HYDIN: variants seen among roughly 807,000 people sequenced by gnomAD.
HYDIN encodes the protein HYDIN axonemal central pair apparatus protein, also known as axonemal central pair apparatus protein HYDIN.
A neutral mutation model predicts 403.9 loss-of-function variants in HYDIN; 132 were observed. The observed-to-expected ratio is 0.33, with a 90% CI of 0.28 to 0.38. The LOEUF is 0.38. Among genes scored for constraint, HYDIN ranks in the 10% least tolerant of loss-of-function variants. HYDIN has a pLI of 1.00. For synonymous variants in HYDIN, 1,202 were observed against 1,891.7 expected (o/e 0.64, Z 9.46); for missense variants, 2,827 against 5,009.5 (o/e 0.56, Z 13.15).
At chr16:70,921,610 C>A (rs28450522) in intron 45 of HYDIN, among the ~76,000 whole-genome samples, 2 of 152,212 alleles carry the variant, frequency 1.3e-5, no homozygotes, top group Non-Finnish European at 2.9e-5. Flanking sequence ...CCCAGCTGCA[C>A]TGCTTGGTAG....
chr16:71,179,193 G>A (rs2086803532), intron 3 of HYDIN, 146 bp from the exon 4 acceptor site: 1 of 539,462 alleles, frequency 1.9e-6, no homozygotes, highest in Admixed American at 3.6e-5. Flanking sequence ...GTACATCATT[G>A]TAAAAGCACT....
chr16:71,188,473 T>C (rs937929759), intron 1 of HYDIN, among the ~76,000 whole-genome samples: 2 of 152,188 alleles, frequency 1.3e-5, no homozygotes, highest in Non-Finnish European at 2.9e-5. Flanking sequence ...AAAGCAAAGA[T>C]TGTGGTCTTG....
intron 30 of HYDIN, among the ~76,000 whole-genome samples, chr16:70,976,424 C>G (rs1306823724): frequency 6.6e-6 from 1 of 150,954 alleles, no homozygotes; most frequent in African/African-American, 2.4e-5. Flanking sequence ...TCAAGAAGCA[C>G]GAGGAATCTT....
chr16:70,981,851 G>A (rs560344413), intron 28 of HYDIN, among the ~76,000 whole-genome samples: 24 of 151,484 alleles, frequency 1.6e-4, no homozygotes, highest in South Asian at 4.2e-4. Flanking sequence ...TGGTTCGGCC[G>A]GGCCTGGTGG....
chr16:71,066,293 G>A (rs182818676), intron 15 of HYDIN, among the ~76,000 whole-genome samples: 2 of 152,222 alleles, frequency 1.3e-5, no homozygotes, highest in Admixed American at 1.3e-4. Context: ...AGGTCTTGAA[G>A]GAATACTAAG....
chr16:71,062,930 AC>A (rs1348386731), intron 16 of HYDIN: 1 of 152,558 alleles, frequency 6.6e-6, no homozygotes, highest in Non-Finnish European at 1.5e-5. Flanking sequence ...ACTGGACAGC[AC>A]CATGCCACCT....
At chr16:70,892,611 G>C in intron 55 of HYDIN, 82 bp from the exon 56 acceptor site, 1 of 1,493,152 alleles carries the variant, frequency 6.7e-7, no homozygotes, top group South Asian at 1.4e-5. Context: ...AGATGGTTGA[G>C]TGCCTGCTGT....
chr16:70,888,675 G>A (rs1284402506), intron 58 of HYDIN, among the ~76,000 whole-genome samples: 1 of 151,988 alleles, frequency 6.6e-6, no homozygotes, highest in Non-Finnish European at 1.5e-5. Context: ...GGTGGTGGGG[G>A]ACACTTGTTA....
intron 45 of HYDIN, among the ~76,000 whole-genome samples, chr16:70,921,948 C>G (rs2077007099): frequency 6.6e-6 from 1 of 152,214 alleles, no homozygotes; most frequent in Non-Finnish European, 1.5e-5. Flanking sequence ...TTCTCCTCCC[C>G]TGGATGAAAT....
At chr16:70,878,899 T>C (rs1000411072) in intron 62 of HYDIN, among the ~76,000 whole-genome samples, 12 of 142,566 alleles carry the variant, frequency 8.4e-5, no homozygotes, top group Non-Finnish European at 1.5e-4. Flanking sequence ...ATTTAATCAT[T>C]GAATCAAAAT....
intron 50 of HYDIN, among the ~76,000 whole-genome samples, chr16:70,906,177 G>A (rs2076532013): frequency 6.6e-6 from 1 of 152,100 alleles, no homozygotes; most frequent in Admixed American, 6.5e-5. Context: ...GCTAAGAATG[G>A]CTGATCATCA....
intron 52 of HYDIN, among the ~76,000 whole-genome samples, chr16:70,902,980 A>G (rs1414330408): frequency 7.1e-6 from 1 of 141,164 alleles, no homozygotes; most frequent in Non-Finnish European, 1.5e-5. Context: ...TTTTCGAGAC[A>G]AGGTTTCACT....
chr16:70,859,315 A>G (rs1448000170), intron 71 of HYDIN, among the ~76,000 whole-genome samples: 1 of 151,916 alleles, frequency 6.6e-6, no homozygotes, highest in African/African-American at 2.4e-5. Flanking sequence ...ACAAAAACAA[A>G]AAAAAGAAAT....
At chr16:70,957,318 TTTCC>T (rs908857225) in intron 39 of HYDIN, among the ~76,000 whole-genome samples, 4 of 142,322 alleles carry the variant, frequency 2.8e-5, no homozygotes, top group Admixed American at 7.5e-5. Flanking sequence ...TGTGTCAGAA[TTTCC>T]TTCCTATTTT....
At position 70,992,206 on chromosome 16, in the gene HYDIN, C is replaced by T. The variant is rs770316286; in HGVS notation, c.3649G>A (p.Val1217Met). 9 of 1,577,208 alleles carry T rather than the reference C, an allele frequency of 5.7e-6. No homozygotes were observed. In the African/African-American group the frequency reaches 8.2e-5, roughly 14 times the overall value. The part of the protein sequence containing the change: ...VNDEENQIRF[V>M]TLPKKPYSAP... ...CTGTAGGGCTTCTTCGGCAATGTCA[C>T]AAACCTACCAAAGCATGGGACAGGG... Residue 1217 changes from valine to methionine, a missense_variant, in exon 24 of 86, where the codon GTG (valine) becomes ATG (methionine). By Grantham distance (21) the Val-to-Met change is conservative (BLOSUM62 1). Coordinates refer to ENST00000393567, the MANE Select transcript of HYDIN (RefSeq NM_001270974.2).
At chr16:70,921,756 T>A (rs542755982) in intron 45 of HYDIN, among the ~76,000 whole-genome samples, 58 of 152,312 alleles carry the variant, frequency 3.8e-4, no homozygotes, top group African/African-American at 1.3e-3. Context: ...CAGTGCCTTT[T>A]CAGTTATTAA....
Position 70,804,916 on chromosome 16 carries a change from A to AC in HYDIN, c.*2663dup. 6.6e-6 allele frequency among the ~76,000 whole-genome samples: 1 copy of AC among 152,302 alleles called. No homozygotes were observed. The highest frequency in any genetic ancestry group is 1.5e-5 in the Non-Finnish European group (1 of 68,022). On this transcript the variant is annotated 3_prime_UTR_variant, in exon 86 of 86. Transcript: ENST00000393567. ...GAAGTTGGGGGAGTTGCCCCTAGCC[A>AC]CCCCAAGGCTGGCTATAAGCCATGC... is the stretch of plus-strand genomic sequence containing the variant.
intron 50 of HYDIN, among the ~76,000 whole-genome samples, chr16:70,904,989 G>A (rs1266121605): frequency 2.6e-5 from 4 of 152,120 alleles, no homozygotes; most frequent in African/African-American, 9.7e-5. Context: ...GGGGCACTGA[G>A]GGAGACTCAG....
rs145285682 is a variant in HYDIN at position 71,198,508 on chromosome 16, C to A, written c.-23-11590G>T. Among the ~76,000 whole-genome samples, 20 of 152,212 alleles carry A rather than the reference C, an allele frequency of 1.3e-4. No individual in the cohort carries two copies. The East Asian group carries it at 2.3e-3, about 18-fold the overall frequency. ...GTAGAATATGCTAGGAATGCAACAT[C>A]CTGAGATGGAAAGGGAATGGCTGGA... is the stretch of plus-strand genomic sequence containing the variant. On this transcript the variant is annotated intron_variant, in intron 1 of 85. Coordinates refer to ENST00000393567, the MANE Select transcript of HYDIN (RefSeq NM_001270974.2).
Sources: gnomAD v4.1 joint callset for allele counts (sites outside exome capture counted in the v4.1 genomes callset) on GRCh38, gnomAD v4.1.1 for gene constraint, MANE v1.5 for transcripts, NCBI Gene and HGNC (gene_info 2026-07-23, HGNC 2026-07-21) for gene names.